Variants in NUBPL observed in about 807,000 individuals in gnomAD.
NUBPL encodes NUBP iron-sulfur cluster assembly factor, mitochondrial, also known as iron-sulfur cluster transfer protein NUBPL.
In NUBPL, 31 loss-of-function variants were observed where a neutral mutation model predicts 45.7. The observed-to-expected ratio is 0.68, with a 90% confidence interval of 0.51 to 0.92. The LOEUF (loss-of-function observed/expected upper bound fraction) is 0.92. NUBPL is among the 40% of genes least tolerant of loss of function. The probability of loss-of-function intolerance (pLI) is 0.00; values close to 1 mark genes in which losing one functional copy is unlikely to be tolerated. For missense variants in NUBPL, 401 were observed against 398.7 expected, an observed-to-expected ratio of 1.01 and a Z score of -0.05; for synonymous variants, 144 against 140.9, an observed-to-expected ratio of 1.02 and a Z score of -0.15.
intron 4 of NUBPL, among the ~76,000 whole-genome samples, chr14:31,640,691 A>G (rs1037484333): frequency 2.0e-5 from 3 of 152,040 alleles, no homozygotes; most frequent in African/African-American, 7.2e-5. Flanking sequence ...TTTATTTTAA[A>G]ATTTTATCTG....
chr14:31,830,989 C>G (rs1283981017), intron 8 of NUBPL, among the ~76,000 whole-genome samples: 1 of 152,094 alleles, frequency 6.6e-6, no homozygotes, highest in Non-Finnish European at 1.5e-5. Flanking sequence ...TACTTTGGTA[C>G]TTAGATTAAA....
intron 6 of NUBPL, among the ~76,000 whole-genome samples, chr14:31,746,355 T>TAC (rs1566538253): frequency 6.6e-6 from 1 of 152,166 alleles, no homozygotes; most frequent in East Asian, 1.9e-4. Context: ...CGTGTTTAGA[T>TAC]ACATACTTTC....
chr14:31,857,487 G>T (rs907897395), intron 10 of NUBPL, among the ~76,000 whole-genome samples: 2 of 152,284 alleles, frequency 1.3e-5, no homozygotes, highest in African/African-American at 2.4e-5. Context: ...TTTCTCCTCA[G>T]GAAATGGGAT....
intron 4 of NUBPL, among the ~76,000 whole-genome samples, chr14:31,661,819 CG>C (rs1425032790): frequency 2.0e-5 from 3 of 152,258 alleles, no homozygotes; most frequent in African/African-American, 4.8e-5. Flanking sequence ...GGATTACAGG[CG>C]TGAGCCACTG....
At chr14:31,583,224 T>C (rs1214214617) in intron 3 of NUBPL, among the ~76,000 whole-genome samples, 1 of 152,222 alleles carries the variant, frequency 6.6e-6, no homozygotes. Flanking sequence ...AGGGTATTGC[T>C]GAGGCTCATG....
chr14:31,617,576 G>A (rs1364368810), intron 4 of NUBPL, among the ~76,000 whole-genome samples: 2 of 152,134 alleles, frequency 1.3e-5, no homozygotes, highest in African/African-American at 2.4e-5. Flanking sequence ...GTTGGATCAC[G>A]TTTATTGATT....
At chr14:31,766,276 C>T (rs10151156) in intron 6 of NUBPL, among the ~76,000 whole-genome samples, 18,816 of 152,110 alleles carry the variant, frequency 0.12, 3,121 homozygotes, top group African/African-American at 0.38. Flanking sequence ...GACCATTGAG[C>T]GCAGGGTAGA....
intron 3 of NUBPL, among the ~76,000 whole-genome samples, chr14:31,573,162 G>A (rs1412070346): frequency 6.6e-6 from 1 of 152,170 alleles, no homozygotes; most frequent in African/African-American, 2.4e-5. Context: ...GTGCTGTGAT[G>A]TTATGATGGC....
At chr14:31,757,258 A>G (rs948122506) in intron 6 of NUBPL, among the ~76,000 whole-genome samples, 3 of 145,892 alleles carry the variant, frequency 2.1e-5, no homozygotes, top group East Asian at 4.2e-4. Context: ...GTTGATTGGA[A>G]TAGTTTCAGA....
At chr14:31,720,277 CG>C (rs1566522266) in intron 6 of NUBPL, among the ~76,000 whole-genome samples, 1 of 152,194 alleles carries the variant, frequency 6.6e-6, no homozygotes, top group Non-Finnish European at 1.5e-5. Context: ...GCAATAATAA[CG>C]TGCATAGCTG....
chr14:31,595,791 G>T (rs1338138243), intron 3 of NUBPL, among the ~76,000 whole-genome samples: 1 of 151,968 alleles, frequency 6.6e-6, no homozygotes, highest in Admixed American at 6.6e-5. Context: ...TTGAAAATCT[G>T]TTTAAATTTA....
chr14:31,804,894 A>G (rs2039655525), intron 7 of NUBPL, among the ~76,000 whole-genome samples: 1 of 152,196 alleles, frequency 6.6e-6, no homozygotes, highest in Admixed American at 6.5e-5. Flanking sequence ...CATGACAAAG[A>G]TGCTAACAGC....
At chr14:31,701,965 T>TA (rs1566510240) in intron 6 of NUBPL, among the ~76,000 whole-genome samples, 1 of 152,226 alleles carries the variant, frequency 6.6e-6, no homozygotes, top group African/African-American at 2.4e-5. Flanking sequence ...ATAATGGTGT[T>TA]AAAGAGCATA....
intron 7 of NUBPL, among the ~76,000 whole-genome samples, chr14:31,812,316 C>T (rs548643482): frequency 3.9e-5 from 6 of 152,180 alleles, no homozygotes; most frequent in Non-Finnish European, 7.3e-5. Context: ...AGCTTCTGGC[C>T]GCTTTGTTTA....
chr14:31,634,659 G>A (rs1355245708), intron 4 of NUBPL, among the ~76,000 whole-genome samples: 20 of 152,206 alleles, frequency 1.3e-4, no homozygotes, highest in South Asian at 1.2e-3. Context: ...CTGAGGAATC[G>A]CCACACTGAC....
chr14:31,844,403 A>G (rs1406872577), intron 8 of NUBPL: 1 of 152,226 alleles, frequency 6.6e-6, no homozygotes, highest in Non-Finnish European at 1.5e-5. Context: ...TTATATAGGC[A>G]TAGTTAATAA....
chr14:31,811,532 G>C (rs981297487), intron 7 of NUBPL, among the ~76,000 whole-genome samples: 12 of 152,210 alleles, frequency 7.9e-5, no homozygotes, highest in African/African-American at 2.9e-4. Context: ...TCTTTTTCAA[G>C]GTTTTTAGCT....
intron 7 of NUBPL, among the ~76,000 whole-genome samples, chr14:31,815,793 CAT>C (rs143515555): frequency 0.16 from 23,971 of 151,962 alleles, 5,447 homozygotes; most frequent in African/African-American, 0.51. Flanking sequence ...TTGAGATAAT[CAT>C]GTGGTTTTTG....
At chr14:31,754,552 A>C (rs2038606575) in intron 6 of NUBPL, among the ~76,000 whole-genome samples, 1 of 150,914 alleles carries the variant, frequency 6.6e-6, no homozygotes. Context: ...TAGATTTAGA[A>C]GATTGTGGGT....
Sources: gnomAD v4.1 joint callset for allele counts (sites outside exome capture counted in the v4.1 genomes callset) on GRCh38, gnomAD v4.1.1 for gene constraint, MANE v1.5 for transcripts, NCBI Gene and HGNC (gene_info 2026-07-23, HGNC 2026-07-21) for gene names.